The following GRAMD2B variants were observed in gnomAD, a reference collection of about 807,000 sequenced individuals.
GRAMD2B encodes GRAM domain containing 2B.
In GRAMD2B, 41 loss-of-function variants were observed where a neutral mutation model predicts 59.2. The observed-to-expected ratio is 0.69, with a 90% CI of 0.54 to 0.90. GRAMD2B has a LOEUF of 0.90. Ranked by LOEUF, GRAMD2B falls within the 40% of genes least tolerant of loss-of-function variation. GRAMD2B has a pLI of 0.00. For synonymous variants in GRAMD2B, 161 were observed against 182.7 expected (o/e 0.88, Z 0.96); for missense variants, 424 against 500.5 (o/e 0.85, Z 1.46).
intron 1 of GRAMD2B, among the ~76,000 whole-genome samples, chr5:126,450,722 C>T (rs1316588223): frequency 1.3e-5 from 2 of 149,944 alleles, no homozygotes; most frequent in African/African-American, 2.5e-5. Flanking sequence ...AGCGTCAGCT[C>T]AAAGGGGCCC....
intron 1 of GRAMD2B, among the ~76,000 whole-genome samples, chr5:126,448,520 A>G (rs752921034): frequency 6.6e-6 from 1 of 152,162 alleles, no homozygotes; most frequent in African/African-American, 2.4e-5. Context: ...AGAAGGAATG[A>G]TATGATCATA....
At chr5:126,475,619 T>C (rs1770435122) in intron 5 of GRAMD2B, among the ~76,000 whole-genome samples, 1 of 152,208 alleles carries the variant, frequency 6.6e-6, no homozygotes, top group African/African-American at 2.4e-5. Context: ...TTGAGGGCAA[T>C]AAATAAGCCC....
At chr5:126,404,920 A>G (rs905065277) in intron 1 of GRAMD2B, among the ~76,000 whole-genome samples, 1 of 151,946 alleles carries the variant, frequency 6.6e-6, no homozygotes, top group African/African-American at 2.4e-5. Context: ...ATCCCATTCT[A>G]AAGACTCTCC....
chr5:126,448,293 A>G (rs1450853603), intron 1 of GRAMD2B, among the ~76,000 whole-genome samples: 3 of 152,112 alleles, frequency 2.0e-5, no homozygotes, highest in Non-Finnish European at 4.4e-5. Flanking sequence ...GCCAGGTAGG[A>G]GGTGACCCCA....
chr5:126,469,254 A>G (rs532067569), intron 2 of GRAMD2B, among the ~76,000 whole-genome samples: 1 of 152,316 alleles, frequency 6.6e-6, no homozygotes, highest in East Asian at 1.9e-4. Context: ...GAGTATCATG[A>G]ATGATTTTTG....
chr5:126,422,747 G>C (rs771655272), upstream of GRAMD2B, among the ~76,000 whole-genome samples: 2 of 152,186 alleles, frequency 1.3e-5, no homozygotes, highest in Non-Finnish European at 2.9e-5. Flanking sequence ...GGGAAGAAGA[G>C]GCATTCACGG....
intron 1 of GRAMD2B, among the ~76,000 whole-genome samples, chr5:126,405,883 A>C (rs1373494398): frequency 6.6e-6 from 1 of 151,966 alleles, no homozygotes; most frequent in Non-Finnish European, 1.5e-5. Flanking sequence ...GGAGGTTTTC[A>C]ATAGATATTA....
chr5:126,429,333 T>A (rs144034966), intron 1 of GRAMD2B, among the ~76,000 whole-genome samples: 3 of 152,114 alleles, frequency 2.0e-5, no homozygotes, highest in Admixed American at 2.0e-4. Context: ...AGCTAAATGA[T>A]GAGAACACAT....
At chr5:126,367,865 C>T (rs1477191929), upstream of GRAMD2B, among the ~76,000 whole-genome samples, 1 of 152,172 alleles carries the variant, frequency 6.6e-6, no homozygotes, top group Admixed American at 6.5e-5. Flanking sequence ...CATTCTCCTG[C>T]CTCAGCCTCC....
At chr5:126,462,596 C>T (rs116590867) in intron 1 of GRAMD2B, among the ~76,000 whole-genome samples, 18 of 152,186 alleles carry the variant, frequency 1.2e-4, no homozygotes, top group African/African-American at 3.6e-4. Context: ...TATCATTGAA[C>T]GTATAAATGA....
upstream of GRAMD2B, among the ~76,000 whole-genome samples, chr5:126,420,067 A>AAAG: frequency 6.6e-6 from 1 of 150,916 alleles, no homozygotes; most frequent in South Asian, 2.1e-4. Context: ...AAAAAAAAAA[A>AAAG]AAAAAAGAAA....
chr5:126,408,969 T>C lies in GRAMD2B; in HGVS notation c.125+37402T>C, dbSNP rs191919369. On this transcript the variant is annotated intron_variant, in intron 1 of 8. Transcript: ENST00000506445. ...GCCTTTTGTTCCTGCGATAGTTTAC[T>C]GAGAATGATGATTTCCAATTTCATC... 3.1e-3 allele frequency among the ~76,000 whole-genome samples: 471 copies of C among 151,722 alleles called. 1 individual carries two copies. Among genetic ancestry groups the C allele is most frequent in the African/African-American group, 0.01 (429 of 41,340 alleles).
chr5:126,362,108 G>A (rs1009552544), intron 1 of GRAMD2B, among the ~76,000 whole-genome samples: 40 of 152,010 alleles, frequency 2.6e-4, no homozygotes, highest in African/African-American at 9.4e-4. Flanking sequence ...TTTTTCATTT[G>A]TTATTAGCCA....
chr5:126,369,445 A>G (rs774488596), upstream of GRAMD2B, among the ~76,000 whole-genome samples: 4 of 152,192 alleles, frequency 2.6e-5, no homozygotes, highest in Non-Finnish European at 5.9e-5. Flanking sequence ...TCTAGTAGAG[A>G]TGCTATATTG....
Position 126,483,492 on chromosome 5 carries a change from T to G in GRAMD2B, c.765T>G (p.Asp255Glu), listed in dbSNP as rs1561604142. 1.2e-6 allele frequency: 2 copies of G among 1,611,636 alleles called. No homozygotes were observed. Among genetic ancestry groups the G allele is most frequent in the East Asian group, 2.2e-5 (1 of 44,856 alleles). The change falls in exon 9 of 14, where the codon GAT becomes GAG. Residue 255 changes from aspartate to glutamate, a missense_variant. Asp to Glu is a conservative substitution (Grantham distance 45). Coordinates refer to ENST00000285689, the MANE Select transcript of GRAMD2B (RefSeq NM_023927.4). ...TCAATGATGAATTCTCAGATCTGGA[T>G]GGAGTGGTTCAACAAAGAAGGCAAG... ...LDFNDEFSDL[D>E]GVVQQRRQDM... is the part of the protein sequence containing the mutation.
intron 13 of GRAMD2B, among the ~76,000 whole-genome samples, chr5:126,492,106 C>T (rs893716163): frequency 6.6e-6 from 1 of 152,208 alleles, no homozygotes; most frequent in African/African-American, 2.4e-5. Context: ...ACATCGGACC[C>T]GTCTTAAGAT....
At chr5:126,452,787 C>A (rs1415390834) in intron 1 of GRAMD2B, among the ~76,000 whole-genome samples, 1 of 152,104 alleles carries the variant, frequency 6.6e-6, no homozygotes, top group East Asian at 1.9e-4. Flanking sequence ...TCTCTTTGAT[C>A]TTCTGTTCCT....
chr5:126,402,597 C>G (rs967006695), intron 1 of GRAMD2B, among the ~76,000 whole-genome samples: 1 of 151,864 alleles, frequency 6.6e-6, no homozygotes, highest in Non-Finnish European at 1.5e-5. Flanking sequence ...AATCACTTAC[C>G]CACAATTCTG....
intron 1 of GRAMD2B, among the ~76,000 whole-genome samples, chr5:126,381,192 T>A (rs528712812): frequency 1.2e-4 from 18 of 152,338 alleles, no homozygotes; most frequent in Non-Finnish European, 2.6e-4. Context: ...GTTTATGTGG[T>A]ATATCACATT....
Sources: allele counts gnomAD v4.1 joint callset (sites outside exome capture counted in the v4.1 genomes callset), GRCh38; gene constraint gnomAD v4.1.1; transcripts MANE v1.5; gene names NCBI Gene and HGNC (gene_info 2026-07-23, HGNC 2026-07-21).